Variants in POM121 observed in about 807,000 individuals in gnomAD.
The protein encoded by POM121 is POM121 transmembrane nucleoporin.
In POM121, 32 loss-of-function variants were observed where a neutral mutation model predicts 81.3. The ratio of observed to expected loss-of-function variants is 0.39; its 90% CI spans 0.30 to 0.53. The LOEUF (loss-of-function observed/expected upper bound fraction) is 0.53. Among genes scored for constraint, POM121 ranks in the 20% least tolerant of loss-of-function variants. POM121 has a pLI of 0.66. For synonymous variants in POM121, 514 were observed against 694.2 expected, an observed-to-expected ratio of 0.74 and a Z score of 4.08; for missense variants, 1,138 against 1,614.6, an observed-to-expected ratio of 0.70 and a Z score of 5.06.
chr7:72,922,402 G>A (rs1421930962), upstream of POM121, among the ~76,000 whole-genome samples: 15 of 151,694 alleles, frequency 9.9e-5, no homozygotes, highest in African/African-American at 3.6e-4. Flanking sequence ...AACTTTTTTT[G>A]GGGGGATGGA....
At chr7:72,923,627 T>C (rs1389455776), upstream of POM121, among the ~76,000 whole-genome samples, 1 of 122,480 alleles carries the variant, frequency 8.2e-6, no homozygotes, top group Non-Finnish European at 1.7e-5. Flanking sequence ...TGAGACGGAG[T>C]CTCGCTCTGT....
chr7:72,945,707 C>G lies in POM121; in HGVS notation c.3651C>G (p.Phe1217Leu). 6.2e-7 allele frequency: 1 copy of G among 1,607,942 alleles called. No individual in the cohort carries two copies. The highest frequency in any genetic ancestry group is 8.5e-7 in the Non-Finnish European group (1 of 1,177,188). ...PAQGFVGVAP[F>L]GSAALSFSIG... ...AAGGCTTTGTTGGTGTTGCACCTTT[C>G]GGTAAGCAGCAAGCCACCCTGTGGC... The change falls in exon 12 of 13, where the codon TTC becomes TTG. Residue 1217 changes from phenylalanine to leucine, a missense_variant and splice_region_variant. Phe to Leu is a conservative substitution (Grantham distance 22). Around this residue, in one of 7 missense-constraint regions of POM121, gnomAD observed 336 missense variants for 344.3 expected, o/e 0.98. Transcript: ENST00000434423.
At chr7:72,920,555 C>T (rs578224240), upstream of POM121, among the ~76,000 whole-genome samples, 14 of 152,090 alleles carry the variant, frequency 9.2e-5, no homozygotes, top group East Asian at 1.9e-3. Context: ...GGGGTTTCAC[C>T]ATGTTAGCCA....
chr7:72,911,129 G>A (rs1333580576), intron 3 of POM121, among the ~76,000 whole-genome samples: 8 of 152,066 alleles, frequency 5.3e-5, no homozygotes, highest in Non-Finnish European at 7.4e-5. Flanking sequence ...GATTACTGGC[G>A]CTCGCCACCA....
intron 5 of POM121, among the ~76,000 whole-genome samples, chr7:72,932,679 G>A (rs2129578621): frequency 6.6e-6 from 1 of 152,318 alleles, no homozygotes; most frequent in Non-Finnish European, 1.5e-5. Flanking sequence ...AGCGTTGTAT[G>A]AGAGGGACCA....
intron 3 of POM121, among the ~76,000 whole-genome samples, chr7:72,903,012 C>A (rs1792856234): frequency 6.6e-6 from 1 of 151,962 alleles, no homozygotes; most frequent in African/African-American, 2.4e-5. Flanking sequence ...CAATTTGTTT[C>A]TTTTGTGAAT....
chr7:72,911,736 G>A (rs1399933395), intron 3 of POM121, among the ~76,000 whole-genome samples: 1 of 152,228 alleles, frequency 6.6e-6, no homozygotes, highest in Non-Finnish European at 1.5e-5. Context: ...TGCGTGGCAA[G>A]CATGTAGGAG....
chr7:72,916,252 A>G (rs1193675298), intron 4 of POM121, among the ~76,000 whole-genome samples: 4 of 152,222 alleles, frequency 2.6e-5, no homozygotes, highest in East Asian at 1.9e-4. Flanking sequence ...GCCCATGCCT[A>G]TGTCCTGAAT....
upstream of POM121, among the ~76,000 whole-genome samples, chr7:72,922,773 C>T (rs1156644303): frequency 2.6e-5 from 4 of 152,080 alleles, no homozygotes; most frequent in African/African-American, 9.7e-5. Context: ...CTCTTGAACT[C>T]TAAACACAGG....
intron 3 of POM121, among the ~76,000 whole-genome samples, chr7:72,903,651 A>T (rs1321120628): frequency 4.6e-5 from 7 of 152,080 alleles, no homozygotes; most frequent in Non-Finnish European, 7.4e-5. Context: ...TTTAACAGAG[A>T]TTTCCTTGAA....
At chr7:72,940,789 G>A (rs1324749969) in intron 9 of POM121, 28 bp from the exon 10 acceptor site, 3 of 941,248 alleles carry the variant, frequency 3.2e-6, no homozygotes, top group East Asian at 4.8e-5. Context: ...GACAAGCCAG[G>A]ACTGCTTCAC....
chr7:72,926,545 A>C, intron 2 of POM121, 68 bp downstream of exon 2: 10 of 1,601,698 alleles, frequency 6.2e-6, no homozygotes, highest in Non-Finnish European at 7.7e-6. Flanking sequence ...AGTTGTTCCT[A>C]TGACATGACT....
At chr7:72,924,973 C>T (rs1795204089), upstream of POM121, 4 of 1,284,946 alleles carry the variant, frequency 3.1e-6, no homozygotes, top group Non-Finnish European at 4.0e-6. Context: ...AGGCAGGCGG[C>T]ATTTTCCAAA....
At chr7:72,903,813 G>A (rs1368693440) in intron 3 of POM121, among the ~76,000 whole-genome samples, 3 of 152,134 alleles carry the variant, frequency 2.0e-5, no homozygotes, top group Non-Finnish European at 1.5e-5. Context: ...ATAGAGTCTT[G>A]CCCTGTCACC....
chr7:72,941,249 G>C (rs1284669203), intron 10 of POM121, among the ~76,000 whole-genome samples: 3 of 152,120 alleles, frequency 2.0e-5, no homozygotes, highest in African/African-American at 7.2e-5. Context: ...TCATCTGTCA[G>C]ATGAGAATGA....
intron 1 of POM121, among the ~76,000 whole-genome samples, chr7:72,887,197 G>A (rs1554490181): frequency 6.6e-6 from 1 of 152,002 alleles, no homozygotes; most frequent in East Asian, 1.9e-4. Flanking sequence ...TGTACTATCT[G>A]TAGAAGGTTA....
intron 3 of POM121, among the ~76,000 whole-genome samples, chr7:72,906,743 C>G (rs1793275304): frequency 6.6e-6 from 1 of 152,044 alleles, no homozygotes; most frequent in Non-Finnish European, 1.5e-5. Context: ...TCACCTCAGC[C>G]TCCCGAGTAG....
chr7:72,935,545 A>G (rs1318444470), intron 5 of POM121, among the ~76,000 whole-genome samples: 1 of 151,926 alleles, frequency 6.6e-6, no homozygotes, highest in East Asian at 1.9e-4. Flanking sequence ...TAGATTTACA[A>G]TCTCGGCTCA....
intron 11 of POM121, among the ~76,000 whole-genome samples, chr7:72,945,370 C>T (rs1332528560): frequency 6.6e-5 from 10 of 151,638 alleles, no homozygotes; most frequent in South Asian, 4.2e-4. Flanking sequence ...TCTGCCCTGG[C>T]GTGGCCATTA....
Sources: allele counts gnomAD v4.1 joint callset (sites outside exome capture counted in the v4.1 genomes callset), GRCh38; gene constraint gnomAD v4.1.1; regional missense constraint gnomAD v4.1.1; transcripts MANE v1.5; gene names NCBI Gene and HGNC (gene_info 2026-07-23, HGNC 2026-07-21).